The following POC1B variants were observed in gnomAD, a reference collection of about 807,000 sequenced individuals.
POC1B encodes the protein POC1 centriolar protein B, also known as POC1 centriolar protein homolog B.
Under a neutral mutation model 60.6 loss-of-function variants are expected in POC1B, and 44 were observed. The observed-to-expected ratio is 0.73, with a 90% CI of 0.57 to 0.93. The LOEUF (loss-of-function observed/expected upper bound fraction) is 0.93, where lower values mean the gene tolerates loss of function less well. Among genes scored for constraint, POC1B ranks in the 40% least tolerant of loss-of-function variants. The probability of loss-of-function intolerance (pLI) is 0.00; values close to 1 mark genes in which losing one functional copy is unlikely to be tolerated. For missense variants in POC1B, 555 were observed against 572.3 expected (o/e 0.97, Z 0.31); for synonymous variants, 180 against 198.9 (o/e 0.90, Z 0.80).
the POC1B span, among the ~76,000 whole-genome samples, chr12:89,408,139 T>A: frequency 6.6e-6 from 1 of 152,214 alleles, no homozygotes; most frequent in African/African-American, 2.4e-5. Flanking sequence ...CATGAACTCA[T>A]CCTTTTTTAG....
downstream of POC1B, among the ~76,000 whole-genome samples, chr12:89,415,902 T>G (rs1407701699): frequency 1.3e-5 from 2 of 152,240 alleles, no homozygotes; most frequent in South Asian, 2.1e-4. Flanking sequence ...ATCTAACAAC[T>G]GGCAGGTTAT....
Position 89,523,510 on chromosome 12 carries a change from T to C in POC1B, c.100+1610A>G, listed in dbSNP as rs527454261. The C allele has an allele frequency of 3.1e-6, 5 of 1,611,192 alleles. No individual in the cohort carries two copies. In the African/African-American group the frequency reaches 5.3e-5, roughly 17 times the overall value. On this transcript the variant is annotated intron_variant, in intron 2 of 11. Transcript: ENST00000313546. ...GTGGATCTCCAATTTGCCACCACAC[T>C]GCCACACCCTAAAAGACAGCTCAAG...
the POC1B span, among the ~76,000 whole-genome samples, chr12:89,410,950 A>G: frequency 6.6e-6 from 1 of 152,230 alleles, no homozygotes; most frequent in Non-Finnish European, 1.5e-5. Flanking sequence ...ATGTGCAAAA[A>G]TCACAAGCAT....
chr12:89,412,156 C>T, the POC1B span, among the ~76,000 whole-genome samples: 1 of 152,168 alleles, frequency 6.6e-6, no homozygotes, highest in Non-Finnish European at 1.5e-5. Context: ...GCAAGAAGTC[C>T]TTGTCCACAA....
At chr12:89,421,595 C>T (rs1262497197) in intron 11 of POC1B, among the ~76,000 whole-genome samples, 1 of 152,198 alleles carries the variant, frequency 6.6e-6, no homozygotes, top group African/African-American at 2.4e-5. Flanking sequence ...CCATAAGCTA[C>T]ACACTTAGTG....
At position 89,444,707 on chromosome 12, in the gene POC1B, G is replaced by T. The variant is rs559159533; in HGVS notation, c.1113+14931C>A. Among the ~76,000 whole-genome samples the T allele has an allele frequency of 1.3e-4, 20 of 152,322 alleles. No individual in the cohort carries two copies. The East Asian group carries it at 3.9e-3, about 29-fold the overall frequency. On this transcript the variant is annotated intron_variant, in intron 10 of 11. Transcript: ENST00000313546. ...TTGAAAACTGGCACAAGACAGGGAT[G>T]CCCTCTCTCACCACTCCAATTGAAC...
chr12:89,515,270 G>C (rs2135763236), intron 2 of POC1B, among the ~76,000 whole-genome samples: 1 of 152,152 alleles, frequency 6.6e-6, no homozygotes, highest in South Asian at 2.1e-4. Context: ...TGGAAACACA[G>C]ACAAATATAT....
intron 9 of POC1B, 97 bp from the exon 10 acceptor site, chr12:89,459,815 A>G: frequency 3.1e-6 from 2 of 641,684 alleles, no homozygotes; most frequent in East Asian, 3.1e-5. Flanking sequence ...AATATATTCT[A>G]AAATTAAAAT....
intron 10 of POC1B, chr12:89,427,673 C>G (rs1455607980): frequency 6.6e-6 from 1 of 152,260 alleles, no homozygotes; most frequent in Non-Finnish European, 1.5e-5. Context: ...TGCACTCCAG[C>G]CTGGGCTACA....
the POC1B span, among the ~76,000 whole-genome samples, chr12:89,411,677 C>T: frequency 1.3e-5 from 2 of 152,240 alleles, no homozygotes; most frequent in African/African-American, 4.8e-5. Flanking sequence ...CTTTTCCTCC[C>T]GCCTCAATGT....
intron 11 of POC1B, among the ~76,000 whole-genome samples, chr12:89,422,057 A>G (rs1276344719): frequency 1.3e-5 from 2 of 151,848 alleles, no homozygotes; most frequent in Non-Finnish European, 2.9e-5. Context: ...TTTTAAAAAA[A>G]CTTATTATAA....
chr12:89,485,522 T>G (rs1402872383), intron 4 of POC1B, among the ~76,000 whole-genome samples: 2 of 152,156 alleles, frequency 1.3e-5, no homozygotes, highest in Admixed American at 1.3e-4. Flanking sequence ...ACATTAATCA[T>G]TCACTCCAAA....
intron 10 of POC1B, among the ~76,000 whole-genome samples, chr12:89,452,664 T>C (rs938442907): frequency 6.6e-6 from 1 of 152,182 alleles, no homozygotes; most frequent in Non-Finnish European, 1.5e-5. Flanking sequence ...TAGTGATTAT[T>C]ACTATTTTTA....
At chr12:89,414,283 T>C in the POC1B span, among the ~76,000 whole-genome samples, 1 of 152,218 alleles carries the variant, frequency 6.6e-6, no homozygotes, top group Non-Finnish European at 1.5e-5. Flanking sequence ...TAAATCTATT[T>C]TATAATGAGA....
the POC1B span, among the ~76,000 whole-genome samples, chr12:89,409,487 T>C: frequency 6.6e-6 from 1 of 152,206 alleles, no homozygotes; most frequent in Admixed American, 6.5e-5. Context: ...TCTATATATC[T>C]GTTTTGGTAC....
intron 4 of POC1B, 31 bp downstream of exon 4, chr12:89,491,905 G>A: frequency 2.1e-6 from 3 of 1,442,566 alleles, no homozygotes; most frequent in Non-Finnish European, 2.8e-6. Context: ...AAAATATGTG[G>A]ACATCTTAAT....
intron 10 of POC1B, among the ~76,000 whole-genome samples, chr12:89,447,993 G>C (rs1247728381): frequency 6.6e-6 from 1 of 152,108 alleles, no homozygotes; most frequent in African/African-American, 2.4e-5. Flanking sequence ...CACTAAGAGA[G>C]AGAGAGAGAG....
At chr12:89,480,806 T>G (rs1883303680) in intron 4 of POC1B, among the ~76,000 whole-genome samples, 1 of 152,170 alleles carries the variant, frequency 6.6e-6, no homozygotes, top group Non-Finnish European at 1.5e-5. Flanking sequence ...TTCACCATGT[T>G]AGCCAGGATG....
the POC1B span, among the ~76,000 whole-genome samples, chr12:89,410,507 C>T: frequency 3.3e-5 from 5 of 152,060 alleles, no homozygotes; most frequent in Admixed American, 1.3e-4. Flanking sequence ...GGTGAAACCC[C>T]ATCTCTACTA....
Sources: allele counts gnomAD v4.1 joint callset (sites outside exome capture counted in the v4.1 genomes callset), GRCh38; gene constraint gnomAD v4.1.1; transcripts MANE v1.5; gene names NCBI Gene and HGNC (gene_info 2026-07-23, HGNC 2026-07-21).